Variants in TNRC6C observed in about 807,000 individuals in gnomAD.
TNRC6C encodes trinucleotide repeat containing adaptor 6C.
Under a neutral mutation model 153.7 loss-of-function variants are expected in TNRC6C, and 20 were observed. The ratio of observed to expected loss-of-function variants is 0.13; its 90% CI spans 0.09 to 0.19. TNRC6C has a LOEUF of 0.19. Among genes scored for constraint, TNRC6C ranks in the 10% least tolerant of loss-of-function variants. The pLI, the probability that TNRC6C is intolerant of heterozygous loss-of-function variation, is 1.00. For missense variants in TNRC6C, 1,987 were observed against 2,172.0 expected (o/e 0.91, Z 1.69); for synonymous variants, 811 against 841.4 (o/e 0.96, Z 0.63).
At chr17:78,002,129 T>A (rs969604838), upstream of TNRC6C, among the ~76,000 whole-genome samples, 1 of 152,136 alleles carries the variant, frequency 6.6e-6, no homozygotes, top group Non-Finnish European at 1.5e-5. Context: ...CAAATCCAAG[T>A]TTATAATTTC....
At chr17:78,046,326 G>A (rs559913810) in intron 2 of TNRC6C, among the ~76,000 whole-genome samples, 18 of 152,006 alleles carry the variant, frequency 1.2e-4, no homozygotes, top group African/African-American at 3.9e-4. Context: ...AACCACAGGC[G>A]TGCACCACCA....
chr17:77,982,849 A>C (rs2071100539), intron 1 of TNRC6C, among the ~76,000 whole-genome samples: 1 of 152,226 alleles, frequency 6.6e-6, no homozygotes, highest in Non-Finnish European at 1.5e-5. Context: ...GGACAAGTTC[A>C]AAACAAGTAG....
At chr17:78,039,565 A>G (rs1331327692) in intron 2 of TNRC6C, among the ~76,000 whole-genome samples, 1 of 152,214 alleles carries the variant, frequency 6.6e-6, no homozygotes, top group Non-Finnish European at 1.5e-5. Context: ...AGTGAAACCA[A>G]TTTTGTAATG....
intron 1 of TNRC6C, among the ~76,000 whole-genome samples, chr17:77,998,370 A>G (rs1160403077): frequency 2.0e-5 from 3 of 152,216 alleles, no homozygotes; most frequent in Non-Finnish European, 2.9e-5. Flanking sequence ...AAATTTATGT[A>G]TATCACCAAA....
rs376745906 is a variant in TNRC6C, at chr17:78,050,161, A to G, written c.1099A>G (p.Ser367Gly). The change falls in exon 3 of 20, where the codon AGT becomes GGT. Residue 367 changes from serine (S) to glycine (G), a missense_variant. Ser to Gly is a moderately conservative substitution (Grantham distance 56). Transcript: ENST00000301624. ...AGGATCAACAGGGTGGGAGAGTCCTAGTGTCACCAGCCAGAACCCTACCGT... is the reference window on the plus strand; with the variant it reads ...AGGATCAACAGGGTGGGAGAGTCCTGGTGTCACCAGCCAGAACCCTACCGT... 48 of 1,576,246 alleles carry G rather than the reference A, an allele frequency of 3.0e-5. No homozygotes were observed. Among genetic ancestry groups the G allele is most frequent in the Non-Finnish European group, 7.7e-6 (9 of 1,162,480 alleles).
Position 78,079,655 on chromosome 17 carries a change from T to G in TNRC6C, c.3357+114T>G. 1 of 1,372,218 alleles carries G rather than the reference T, an allele frequency of 7.3e-7. No individual in the cohort carries two copies. Among genetic ancestry groups the G allele is most frequent in the Admixed American group, 2.3e-5 (1 of 44,432 alleles). The allele number at this position is 1,372,218 out of a possible 1,614,324, so 85.0% of individuals were successfully genotyped here. On this transcript the variant is annotated intron_variant, in intron 10 of 19. Coordinates refer to ENST00000301624, the Ensembl canonical transcript of TNRC6C. This position sits in a 1 kb window ranked among gnomAD's most constrained non-coding sequence, Gnocchi z 4.3. Reference sequence around the variant, plus strand: ...AAAGTGAGAGCGGAGTTAATCCATGTTTAAGAGAAGGCCTTCTGGTTTTTA... The same window carrying G: ...AAAGTGAGAGCGGAGTTAATCCATGGTTAAGAGAAGGCCTTCTGGTTTTTA...
exon 13 of TNRC6C, chr17:78,086,993 C>T: frequency 1.2e-6 from 2 of 1,613,896 alleles, no homozygotes; most frequent in Non-Finnish European, 1.7e-6. Context: ...GCAAATCGGC[C>T]ATGGACAGCT....
chr17:77,958,352 C>T (rs1439537876), upstream of TNRC6C, among the ~76,000 whole-genome samples: 4 of 152,042 alleles, frequency 2.6e-5, no homozygotes, highest in Admixed American at 2.0e-4. Context: ...TCCACGTAAC[C>T]CCCCCGAGCA....
intron 3 of TNRC6C, among the ~76,000 whole-genome samples, chr17:78,062,274 T>A (rs2144163617): frequency 6.6e-6 from 1 of 152,324 alleles, no homozygotes; most frequent in South Asian, 2.1e-4. Flanking sequence ...TTCCTCAGCA[T>A]AGAGCTTGTA....
chr17:78,007,149 T>C (rs1253236362), intron 1 of TNRC6C, among the ~76,000 whole-genome samples: 1 of 152,152 alleles, frequency 6.6e-6, no homozygotes, highest in African/African-American at 2.4e-5. Flanking sequence ...CTGGCCTCTG[T>C]TGAGAATTTT....
intron 5 of TNRC6C, among the ~76,000 whole-genome samples, chr17:78,070,789 A>T (rs189021676): frequency 6.6e-6 from 1 of 152,306 alleles, no homozygotes; most frequent in Non-Finnish European, 1.5e-5. Context: ...TGGATAGTAA[A>T]AGTAGTCTAT....
At chr17:78,054,516 TCAC>T (rs1478028200) in intron 3 of TNRC6C, among the ~76,000 whole-genome samples, 1 of 147,506 alleles carries the variant, frequency 6.8e-6, no homozygotes, top group African/African-American at 2.5e-5. Flanking sequence ...AAAGTAGAGT[TCAC>T]CACTGTATAC....
chr17:78,058,907 T>C (rs181103030), intron 3 of TNRC6C, among the ~76,000 whole-genome samples: 12 of 152,326 alleles, frequency 7.9e-5, no homozygotes, highest in African/African-American at 2.9e-4. Flanking sequence ...ACAATTATCA[T>C]CTTATAAAAT....
Position 78,056,467 on chromosome 17 carries a change from CT to C in TNRC6C, c.2395+5024del, listed in dbSNP as rs1158479097. On this transcript the variant is annotated intron_variant, in intron 3 of 19. Transcript: ENST00000301624. The stretch of plus-strand genomic sequence containing the variant: ...ACCACCATGGCCGGCCCAGAAACTA[CT>C]TTTTTTTTTTTTTGAGACAGAGTCT... 5.0e-3 allele frequency among the ~76,000 whole-genome samples: 699 copies of C among 138,770 alleles called. 6 individuals are homozygous for C. The highest frequency in any genetic ancestry group is 0.011 in the African/African-American group (435 of 38,104). 91.0% of individuals were successfully genotyped at this position (138,770 alleles called of 152,430 possible).
At chr17:77,987,079 AAACTGGGGG>A (rs1434989724) in intron 1 of TNRC6C, among the ~76,000 whole-genome samples, 3 of 152,210 alleles carry the variant, frequency 2.0e-5, no homozygotes, top group Admixed American at 1.3e-4. Context: ...AGGCAGACAA[AAACTGGGGG>A]AAGTGTTTAC....
intron 7 of TNRC6C, among the ~76,000 whole-genome samples, chr17:78,074,689 G>A (rs1242386735): frequency 6.6e-6 from 1 of 152,232 alleles, no homozygotes; most frequent in East Asian, 1.9e-4. Flanking sequence ...TGGCCATGAA[G>A]TAGGAGAGGA....
At chr17:77,970,457 G>A (rs1312425842) in intron 1 of TNRC6C, among the ~76,000 whole-genome samples, 1 of 152,076 alleles carries the variant, frequency 6.6e-6, no homozygotes, top group Non-Finnish European at 1.5e-5. Flanking sequence ...CTATGTTGCT[G>A]GGATTGCAAG....
intron 1 of TNRC6C, among the ~76,000 whole-genome samples, chr17:77,993,961 G>A (rs530703550): frequency 1.3e-5 from 2 of 152,216 alleles, no homozygotes; most frequent in East Asian, 3.9e-4. Flanking sequence ...AGGAGGCTGA[G>A]GTGGGCAGAT....
At chr17:78,097,912 A>C in intron 16 of TNRC6C, 51 bp downstream of exon 19, 1 of 1,407,024 alleles carries the variant, frequency 7.1e-7, no homozygotes, top group South Asian at 1.3e-5. Flanking sequence ...TCTTTTCCCA[A>C]ACAAAACTTT....
Sources: allele counts gnomAD v4.1 joint callset (sites outside exome capture counted in the v4.1 genomes callset), GRCh38; gene constraint gnomAD v4.1.1; non-coding constraint Gnocchi (gnomAD v3.1); transcripts MANE v1.5; gene names NCBI Gene and HGNC (gene_info 2026-07-23, HGNC 2026-07-21).